STARD9: variants seen among roughly 807,000 people sequenced by gnomAD.
STARD9 encodes StAR related lipid transfer domain containing 9.
In STARD9, 346 loss-of-function variants were observed where a neutral mutation model predicts 399.8. That is an observed-to-expected ratio of 0.87 (90% CI 0.79 to 0.95). The LOEUF (loss-of-function observed/expected upper bound fraction) is 0.95. STARD9 is among the 40% of genes least tolerant of loss of function. The pLI, the probability that STARD9 is intolerant of heterozygous loss-of-function variation, is 0.00. For synonymous variants in STARD9, 2,203 were observed against 2,143.5 expected (o/e 1.03, Z -0.77); for missense variants, 5,832 against 5,667.5 (o/e 1.03, Z -0.93).
In STARD9 at chr15:42,608,653, A is replaced by G. The variant is rs541589109; in HGVS notation, c.234+23016A>G. Among the ~76,000 whole-genome samples, 741 of 152,340 alleles carry G rather than the reference A, an allele frequency of 4.9e-3. 4 individuals are homozygous for G. Among genetic ancestry groups the G allele is most frequent in the Middle Eastern group, 0.034 (10 of 294 alleles). On this transcript the variant is annotated intron_variant, in intron 3 of 32. Coordinates refer to ENST00000290607, the MANE Select transcript of STARD9 (RefSeq NM_020759.3). ...ATTAGCAACCAAAAAAACTTGAAGC[A>G]TCTTTGACATATTGGACTACCTCTC...
At chr15:42,705,409 G>C (rs2061054637) in intron 26 of STARD9, among the ~76,000 whole-genome samples, 1 of 152,040 alleles carries the variant, frequency 6.6e-6, no homozygotes, top group South Asian at 2.1e-4. Context: ...CTGCCATCTT[G>C]TTGTGCCTCT....
chr15:42,704,326 A>T (rs1025514155), intron 26 of STARD9, among the ~76,000 whole-genome samples: 17 of 152,212 alleles, frequency 1.1e-4, no homozygotes, highest in African/African-American at 3.9e-4. Context: ...TCCCTGTCTT[A>T]GATTATACTT....
chr15:42,698,545 A>T (rs1349825740), intron 26 of STARD9, among the ~76,000 whole-genome samples: 1 of 152,126 alleles, frequency 6.6e-6, no homozygotes, highest in South Asian at 2.1e-4. Flanking sequence ...ATATTTTAGT[A>T]AGAATAGCCG....
chr15:42,613,575 G>C (rs928875434), intron 3 of STARD9, among the ~76,000 whole-genome samples: 1 of 152,140 alleles, frequency 6.6e-6, no homozygotes, highest in African/African-American at 2.4e-5. Context: ...GGAGTTGTGA[G>C]GACTATATTA....
In STARD9 at chr15:42,685,803, G is replaced by C. The variant is rs774870687; in HGVS notation, c.4225G>C (p.Ala1409Pro). ...HQGSTELLCS[A>P]RDEHTASAAD... is the part of the protein sequence containing the mutation. Reference sequence around the variant, plus strand: ...AGGCAGTACTGAGCTCCTCTGCAGTGCAAGAGATGAGCACACAGCCTCTGC... The same window carrying C: ...AGGCAGTACTGAGCTCCTCTGCAGTCCAAGAGATGAGCACACAGCCTCTGC... Residue 1409 changes from alanine to proline, a missense_variant, in exon 23 of 33, where the codon GCA (alanine) becomes CCA (proline). Transcript: ENST00000290607. The C allele has an allele frequency of 6.5e-6, 10 of 1,537,132 alleles. No individual in the cohort carries two copies. The African/African-American group carries it at 1.4e-4, about 21-fold the overall frequency.
intron 3 of STARD9, among the ~76,000 whole-genome samples, chr15:42,619,807 A>G (rs530596827): frequency 6.6e-6 from 1 of 152,242 alleles, no homozygotes; most frequent in South Asian, 2.1e-4. Context: ...GCCCTGACTC[A>G]AGCTTTACCC....
At position 42,693,879 on chromosome 15, in the gene STARD9, G is replaced by A. The variant is rs538414273; in HGVS notation, c.12301G>A (p.Gly4101Ser). The part of the protein sequence containing the change: ...SELTDTAGLR[G>S]SALGLPQACQ... ...GTTGACTGATACTGCAGGGCTCCGA[G>A]GTTCTGCCTTGGGCCTCCCTCAGGC... Residue 4101 changes from glycine (G) to serine (S), a missense_variant, in exon 23 of 33, where the codon GGT (glycine) becomes AGT (serine). Physicochemically the swap from Gly to Ser is moderately conservative, Grantham distance 56. Coordinates refer to ENST00000290607, the MANE Select transcript of STARD9 (RefSeq NM_020759.3). The A allele has an allele frequency of 2.9e-5, 45 of 1,534,286 alleles. No homozygotes were observed. The African/African-American group carries it at 5.5e-4, about 19-fold the overall frequency.
chr15:42,625,185 C>G (rs1034213450), intron 3 of STARD9, among the ~76,000 whole-genome samples: 13 of 151,978 alleles, frequency 8.6e-5, no homozygotes, highest in African/African-American at 2.9e-4. Flanking sequence ...TACCACCACA[C>G]CCGGCTAATT....
rs1450467456 is a variant in STARD9 at position 42,709,161 on chromosome 15, T to C, written c.13285-7516T>C. ...CTGTAATCCCAGTGCTTTGGAAAGC[T>C]GAGGCAGGAGGATCACTTGAGTCCA... On this transcript the variant is annotated intron_variant, in intron 26 of 32. Coordinates refer to ENST00000290607, the MANE Select transcript of STARD9 (RefSeq NM_020759.3). Among the ~76,000 whole-genome samples, 3 of 151,882 alleles carry C rather than the reference T, an allele frequency of 2.0e-5. No individual in the cohort carries two copies. The East Asian group carries it at 5.8e-4, about 30-fold the overall frequency.
At chr15:42,661,297 A>G (rs906992661) in intron 10 of STARD9, 72 bp downstream of exon 10, 6 of 1,048,212 alleles carry the variant, frequency 5.7e-6, no homozygotes, top group South Asian at 2.8e-5. Context: ...AGCTGTTCCA[A>G]TCTTTTTCAC....
At chr15:42,680,362 G>A (rs981156511) in intron 20 of STARD9, among the ~76,000 whole-genome samples, 1 of 152,116 alleles carries the variant, frequency 6.6e-6, no homozygotes, top group Non-Finnish European at 1.5e-5. Context: ...CACTTTGGGA[G>A]GCTGAGGTGG....
intron 3 of STARD9, among the ~76,000 whole-genome samples, chr15:42,626,677 T>A (rs1218990990): frequency 6.7e-6 from 1 of 150,114 alleles, no homozygotes; most frequent in Non-Finnish European, 1.5e-5. Flanking sequence ...ATTTTGTATT[T>A]TTTTTTTTTT....
At chr15:42,633,700 G>A (rs1367152184) in intron 3 of STARD9, among the ~76,000 whole-genome samples, 1 of 150,354 alleles carries the variant, frequency 6.7e-6, no homozygotes, top group Non-Finnish European at 1.5e-5. Flanking sequence ...CTGGAGGGCA[G>A]TGGCACGATC....
intron 3 of STARD9, among the ~76,000 whole-genome samples, chr15:42,607,445 T>C (rs927618431): frequency 4.6e-5 from 7 of 151,488 alleles, no homozygotes; most frequent in East Asian, 1.9e-4. Flanking sequence ...TCAAGTGATC[T>C]GCCCACCTCA....
chr15:42,589,730 C>G (rs1370025383), intron 3 of STARD9, among the ~76,000 whole-genome samples: 1 of 151,908 alleles, frequency 6.6e-6, no homozygotes, highest in Non-Finnish European at 1.5e-5. Flanking sequence ...CCTCAGCCTC[C>G]TGAGTAGCTG....
chr15:42,642,967 T>C (rs1287435693), intron 7 of STARD9, among the ~76,000 whole-genome samples: 1 of 152,046 alleles, frequency 6.6e-6, no homozygotes, highest in Admixed American at 6.6e-5. Flanking sequence ...CCCAGCTAAT[T>C]GTTTTTTATT....
intron 3 of STARD9, among the ~76,000 whole-genome samples, chr15:42,605,776 T>A (rs1443822165): frequency 6.6e-6 from 1 of 152,228 alleles, no homozygotes; most frequent in Non-Finnish European, 1.5e-5. Flanking sequence ...TCTGCTGAGA[T>A]GAGAAGACAT....
chr15:42,695,397 C>T (rs2060821394), intron 25 of STARD9, 74 bp downstream of exon 25: 8 of 1,363,668 alleles, frequency 5.9e-6, no homozygotes, highest in Non-Finnish European at 7.8e-6. Context: ...CCGTGGCCGC[C>T]TCTGAGTCTT....
intron 3 of STARD9, among the ~76,000 whole-genome samples, chr15:42,619,551 C>A (rs369160618): frequency 1.9e-3 from 253 of 135,024 alleles, no homozygotes; most frequent in Middle Eastern, 0.015. Context: ...AAGACTGTCT[C>A]AAAAAAAAAA....
Sources: gnomAD v4.1 joint callset for allele counts (sites outside exome capture counted in the v4.1 genomes callset) on GRCh38, gnomAD v4.1.1 for gene constraint, MANE v1.5 for transcripts, NCBI Gene and HGNC (gene_info 2026-07-23, HGNC 2026-07-21) for gene names.